Variants in GAP43 observed in about 807,000 individuals in gnomAD.
The protein encoded by GAP43 is neuromodulin.
GAP43 carries 6 observed loss-of-function variants against 18.6 expected under a neutral mutation model. The observed-to-expected ratio is 0.32, with a 90% confidence interval of 0.18 to 0.64. The LOEUF (loss-of-function observed/expected upper bound fraction) is 0.64, where lower values mean the gene tolerates loss of function less well. Ranked by LOEUF, GAP43 falls within the 30% of genes least tolerant of loss-of-function variation. The pLI is 0.78. For synonymous variants in GAP43, 115 were observed against 111.4 expected, an observed-to-expected ratio of 1.03 and a Z score of -0.20; for missense variants, 292 against 295.5, an observed-to-expected ratio of 0.99 and a Z score of 0.09.
chr3:115,709,255 G>A (rs1273655627), intron 2 of GAP43, among the ~76,000 whole-genome samples: 1 of 152,172 alleles, frequency 6.6e-6, no homozygotes, highest in Non-Finnish European at 1.5e-5. Context: ...TGCAGCGAGA[G>A]TTCTTTAGCA....
intron 2 of GAP43, among the ~76,000 whole-genome samples, chr3:115,678,224 A>T (rs937988490): frequency 6.6e-6 from 1 of 152,228 alleles, no homozygotes; most frequent in Non-Finnish European, 1.5e-5. Flanking sequence ...ATCACTTTGC[A>T]TATCCACAAG....
chr3:115,648,526 T>TA (rs1460619902), intron 1 of GAP43, among the ~76,000 whole-genome samples: 14 of 152,160 alleles, frequency 9.2e-5, no homozygotes, highest in African/African-American at 3.4e-4. Flanking sequence ...GCAGAACTGA[T>TA]AAAAGGAAGA....
At chr3:115,672,335 C>T (rs772234173) in intron 1 of GAP43, among the ~76,000 whole-genome samples, 6 of 152,236 alleles carry the variant, frequency 3.9e-5, no homozygotes, top group South Asian at 2.1e-4. Context: ...CTTAAGTAAG[C>T]GCTTCTATTT....
chr3:115,624,481 T>A (rs1708159705), intron 1 of GAP43, among the ~76,000 whole-genome samples: 1 of 152,040 alleles, frequency 6.6e-6, no homozygotes, highest in Non-Finnish European at 1.5e-5. Flanking sequence ...GTATTACCTG[T>A]TGGAAACCAG....
chr3:115,640,119 T>G (rs1708377416), intron 1 of GAP43, among the ~76,000 whole-genome samples: 1 of 152,116 alleles, frequency 6.6e-6, no homozygotes, highest in Admixed American at 6.6e-5. Context: ...TAGGTTGGGA[T>G]AGTGTTCACT....
intron 2 of GAP43, among the ~76,000 whole-genome samples, chr3:115,711,512 C>A (rs1056316450): frequency 7.6e-6 from 1 of 132,390 alleles, no homozygotes; most frequent in Non-Finnish European, 1.8e-5. Context: ...CACACACACA[C>A]CCCCCTACAG....
At position 115,675,998 on chromosome 3, in the gene GAP43, C is replaced by T. The variant is rs1432043022; in HGVS notation, c.31-15C>T. On this transcript the variant is annotated splice_polypyrimidine_tract_variant and intron_variant, in intron 1 of 2. Coordinates refer to ENST00000305124, the MANE Select transcript of GAP43 (RefSeq NM_002045.4). ...TCATTGAAGCCCTCTCTTTTCCCTT[C>T]TTTTCTCGACAAAGGTTGAAAAAAA... 3 of 1,582,090 alleles carry T rather than the reference C, an allele frequency of 1.9e-6. No homozygotes were observed. The Admixed American group carries it at 5.5e-5, about 29-fold the overall frequency.
intron 2 of GAP43, among the ~76,000 whole-genome samples, chr3:115,680,872 G>T (rs768089877): frequency 2.0e-5 from 3 of 152,098 alleles, no homozygotes; most frequent in Admixed American, 6.5e-5. Context: ...AAGACCCAAG[G>T]TAACCATCTA....
intron 2 of GAP43, among the ~76,000 whole-genome samples, chr3:115,688,099 C>T (rs904860976): frequency 4.5e-4 from 68 of 152,230 alleles, no homozygotes; most frequent in Middle Eastern, 3.4e-3. Context: ...TCACCGCAAC[C>T]TCCGCCTCCC....
intron 1 of GAP43, among the ~76,000 whole-genome samples, chr3:115,660,756 C>T (rs1329671559): frequency 1.3e-5 from 2 of 152,164 alleles, no homozygotes; most frequent in Non-Finnish European, 2.9e-5. Context: ...TGGGCCTGGG[C>T]GGGGTGACAG....
intron 1 of GAP43, among the ~76,000 whole-genome samples, chr3:115,624,430 C>T (rs988784163): frequency 2.6e-5 from 4 of 151,934 alleles, no homozygotes; most frequent in Admixed American, 2.0e-4. Context: ...GAGGGTGGAC[C>T]ACGCCCCTAG....
chr3:115,697,140 A>G (rs1032755244), intron 2 of GAP43, among the ~76,000 whole-genome samples: 1 of 152,018 alleles, frequency 6.6e-6, no homozygotes, highest in African/African-American at 2.4e-5. Context: ...CACCCAGCCA[A>G]TTTTGTTATT....
At chr3:115,710,557 A>T (rs1271978959) in intron 2 of GAP43, among the ~76,000 whole-genome samples, 1 of 152,140 alleles carries the variant, frequency 6.6e-6, no homozygotes, top group Non-Finnish European at 1.5e-5. Context: ...TTTGTTTTAT[A>T]ATTTGGTTTA....
At chr3:115,641,623 T>C (rs974203933) in intron 1 of GAP43, among the ~76,000 whole-genome samples, 17 of 151,990 alleles carry the variant, frequency 1.1e-4, no homozygotes, top group Admixed American at 5.2e-4. Context: ...CAAGGCACTA[T>C]GCAATGCTTG....
At chr3:115,653,527 T>C (rs1025235470) in intron 1 of GAP43, among the ~76,000 whole-genome samples, 5 of 152,200 alleles carry the variant, frequency 3.3e-5, no homozygotes, top group African/African-American at 1.2e-4. Context: ...TGTCTGCCCC[T>C]ACTTTGTGTG....
intron 1 of GAP43, among the ~76,000 whole-genome samples, chr3:115,653,310 C>T (rs868238138): frequency 5.9e-5 from 9 of 152,124 alleles, no homozygotes; most frequent in Non-Finnish European, 8.8e-5. Flanking sequence ...GGTGTGGTGG[C>T]GCATGCCTGT....
At chr3:115,695,903 A>G (rs1709182308) in intron 2 of GAP43, among the ~76,000 whole-genome samples, 1 of 152,180 alleles carries the variant, frequency 6.6e-6, no homozygotes, top group Non-Finnish European at 1.5e-5. Flanking sequence ...TTGCTCGTCC[A>G]GGATGTTGCC....
chr3:115,665,602 C>T (rs140749218), intron 1 of GAP43, among the ~76,000 whole-genome samples: 1 of 152,168 alleles, frequency 6.6e-6, no homozygotes, highest in East Asian at 1.9e-4. Flanking sequence ...TGTCATTTCC[C>T]CCCACCACAG....
chr3:115,634,082 T>A (rs754009881), intron 1 of GAP43, among the ~76,000 whole-genome samples: 52 of 152,176 alleles, frequency 3.4e-4, no homozygotes, highest in South Asian at 6.2e-4. Context: ...CAATAACTAT[T>A]CAAAAATGTT....
Sources: allele counts gnomAD v4.1 joint callset (sites outside exome capture counted in the v4.1 genomes callset), GRCh38; gene constraint gnomAD v4.1.1; transcripts MANE v1.5; gene names NCBI Gene and HGNC (gene_info 2026-07-23, HGNC 2026-07-21).